GRAMD2B: variants seen among roughly 807,000 people sequenced by gnomAD.
GRAMD2B encodes the protein GRAM domain-containing protein 2B.
In GRAMD2B, 41 loss-of-function variants were observed where a neutral mutation model predicts 59.2. The ratio of observed to expected loss-of-function variants is 0.69; its 90% CI spans 0.54 to 0.90. The LOEUF is 0.90. Among genes scored for constraint, GRAMD2B ranks in the 40% least tolerant of loss-of-function variants. The pLI is 0.00. For synonymous variants in GRAMD2B, 161 were observed against 182.7 expected (o/e 0.88, Z 0.96); for missense variants, 424 against 500.5 (o/e 0.85, Z 1.46).
chr5:126,366,271 G>A (rs1754433064), intron 1 of GRAMD2B, among the ~76,000 whole-genome samples: 1 of 152,192 alleles, frequency 6.6e-6, no homozygotes, highest in Non-Finnish European at 1.5e-5. Flanking sequence ...CAAGCTGCTT[G>A]GCAAGGTCAT....
chr5:126,493,016 C>T lies in GRAMD2B; in HGVS notation c.*60C>T, dbSNP rs1774217213. 1 of 1,436,326 alleles carries T rather than the reference C, an allele frequency of 7.0e-7. No homozygotes were observed. The highest frequency in any genetic ancestry group is 9.8e-7 in the Non-Finnish European group (1 of 1,022,004). The allele number at this position is 1,436,326 out of a possible 1,614,324, so 89.0% of individuals were successfully genotyped here. A position where few individuals can be genotyped will look rare whatever the true frequency, so the allele number is the denominator to read the frequency against. On this transcript the variant is annotated 3_prime_UTR_variant, in exon 14 of 14. Transcript: ENST00000285689. Reference sequence around the variant, plus strand: ...TGTTTCCCTTTGAAGAAGGTGCTTCCTGAGGCGTTTTGTTTGAGTGCACCC... The same window carrying T: ...TGTTTCCCTTTGAAGAAGGTGCTTCTTGAGGCGTTTTGTTTGAGTGCACCC...
chr5:126,381,775 T>C (rs905302607), intron 1 of GRAMD2B, among the ~76,000 whole-genome samples: 1 of 152,140 alleles, frequency 6.6e-6, no homozygotes, highest in African/African-American at 2.4e-5. Context: ...CATTGTGTTA[T>C]TGTTTTATAG....
At chr5:126,409,269 T>G (rs1758545446) in intron 1 of GRAMD2B, among the ~76,000 whole-genome samples, 1 of 152,212 alleles carries the variant, frequency 6.6e-6, no homozygotes, top group East Asian at 1.9e-4. Context: ...CCACACTGAC[T>G]TCCACAATGT....
At chr5:126,426,208 T>A (rs1760590353) in intron 1 of GRAMD2B, among the ~76,000 whole-genome samples, 1 of 152,174 alleles carries the variant, frequency 6.6e-6, no homozygotes, top group Non-Finnish European at 1.5e-5. Flanking sequence ...AGAAGTGATA[T>A]GCAGAAGGAA....
chr5:126,375,169 T>C (rs549630919), intron 1 of GRAMD2B, among the ~76,000 whole-genome samples: 18 of 152,344 alleles, frequency 1.2e-4, no homozygotes, highest in African/African-American at 3.8e-4. Context: ...TTTGTTGTTA[T>C]TGTAAATATA....
intron 1 of GRAMD2B, among the ~76,000 whole-genome samples, chr5:126,424,625 C>T (rs769111997): frequency 6.6e-6 from 1 of 152,208 alleles, no homozygotes; most frequent in Non-Finnish European, 1.5e-5. Context: ...TCCCCATGGA[C>T]ATTTCTTCTA....
At chr5:126,425,279 G>A (rs557638204) in intron 1 of GRAMD2B, among the ~76,000 whole-genome samples, 10 of 152,234 alleles carry the variant, frequency 6.6e-5, no homozygotes, top group East Asian at 3.9e-4. Context: ...CACAAGATAC[G>A]AAATCAATCT....
At chr5:126,451,844 A>C (rs1053789160) in intron 1 of GRAMD2B, among the ~76,000 whole-genome samples, 2 of 152,094 alleles carry the variant, frequency 1.3e-5, no homozygotes, top group African/African-American at 4.8e-5. Context: ...CCCCTTGGTG[A>C]TAAGTGAATT....
intron 1 of GRAMD2B, among the ~76,000 whole-genome samples, chr5:126,398,276 G>T (rs1757542609): frequency 6.6e-6 from 1 of 151,806 alleles, no homozygotes; most frequent in Admixed American, 6.6e-5. Context: ...CCATCTCAGT[G>T]GAAGATTTCT....
intron 1 of GRAMD2B, among the ~76,000 whole-genome samples, chr5:126,401,253 C>T (rs771422055): frequency 1.3e-5 from 2 of 151,892 alleles, no homozygotes; most frequent in Non-Finnish European, 2.9e-5. Context: ...ATTTTTCAGT[C>T]CAGTAATTGT....
rs111240658 is a variant in GRAMD2B at position 126,400,534 on chromosome 5, T to G, written c.125+28967T>G. ...TTAGAGTATTCTGAATTTTACCATA[T>G]ACTTATCTTTACCAGTGAGTTACAC... On this transcript the variant is annotated intron_variant, in intron 1 of 8. Coordinates refer to the GRAMD2B transcript ENST00000506445. Among the ~76,000 whole-genome samples the G allele has an allele frequency of 4.9e-3, 744 of 152,284 alleles. 15 individuals are homozygous for G. Among genetic ancestry groups the G allele is most frequent in the African/African-American group, 0.017 (718 of 41,568 alleles).
At chr5:126,366,918 G>C (rs1271233590), upstream of GRAMD2B, among the ~76,000 whole-genome samples, 2 of 141,458 alleles carry the variant, frequency 1.4e-5, no homozygotes, top group African/African-American at 2.7e-5. Context: ...GCAGTGGCGC[G>C]ATCTCGGCTC....
chr5:126,366,658 A>T (rs1260867795), upstream of GRAMD2B, among the ~76,000 whole-genome samples: 1 of 152,176 alleles, frequency 6.6e-6, no homozygotes, highest in Admixed American at 6.6e-5. Context: ...GCAATGAAAT[A>T]ATCAAGCCAC....
chr5:126,456,355 T>C (rs6879608), intron 1 of GRAMD2B, among the ~76,000 whole-genome samples: 51,163 of 151,566 alleles, frequency 0.34, 9,151 homozygotes, highest in East Asian at 0.62. Context: ...GAACCACAGG[T>C]GCACACCACC....
At chr5:126,488,974 T>C (rs1465546577) in intron 13 of GRAMD2B, 82 bp downstream of exon 13, 1 of 877,882 alleles carries the variant, frequency 1.1e-6, no homozygotes, top group Non-Finnish European at 1.9e-6. Context: ...GATTACACAC[T>C]CAGACGCCGT....
At chr5:126,411,184 A>T (rs771897681) in intron 1 of GRAMD2B, among the ~76,000 whole-genome samples, 4 of 152,078 alleles carry the variant, frequency 2.6e-5, no homozygotes, top group Non-Finnish European at 5.9e-5. Flanking sequence ...CCCAAGGCCA[A>T]TGTCCAAAAT....
intron 1 of GRAMD2B, among the ~76,000 whole-genome samples, chr5:126,458,634 C>T (rs772821396): frequency 2.1e-4 from 32 of 152,094 alleles, no homozygotes; most frequent in Non-Finnish European, 3.7e-4. Context: ...CTAGCTGCCA[C>T]GGTTATATAT....
rs77396431 is a variant in GRAMD2B at position 126,411,508 on chromosome 5, T to C, written c.125+39941T>C. ...CCATGCTGTTTCAGTTACTGTAGCATTATAGTATAGTTTGAAATTAGGTGA... is the reference window on the plus strand; with the variant it reads ...CCATGCTGTTTCAGTTACTGTAGCACTATAGTATAGTTTGAAATTAGGTGA... On this transcript the variant is annotated intron_variant, in intron 1 of 8. Transcript: ENST00000506445. Among the ~76,000 whole-genome samples, 503 of 152,256 alleles carry C rather than the reference T, an allele frequency of 3.3e-3. 1 individual carries two copies. The highest frequency in any genetic ancestry group is 6.8e-3 in the Middle Eastern group (2 of 294).
At chr5:126,432,074 G>A (rs929583863) in intron 1 of GRAMD2B, among the ~76,000 whole-genome samples, 2 of 152,062 alleles carry the variant, frequency 1.3e-5, no homozygotes, top group Admixed American at 6.5e-5. Context: ...GACTACAGGC[G>A]TGCACCACCA....
Sources: allele counts gnomAD v4.1 joint callset (sites outside exome capture counted in the v4.1 genomes callset), GRCh38; gene constraint gnomAD v4.1.1; transcripts MANE v1.5; gene names NCBI Gene and HGNC (gene_info 2026-07-23, HGNC 2026-07-21).